The following FBXW5 variants were observed in gnomAD, a reference collection of about 807,000 sequenced individuals.
FBXW5 encodes F-box and WD repeat domain containing 5.
A neutral mutation model predicts 50.9 loss-of-function variants in FBXW5; 74 were observed. That is an observed-to-expected ratio of 1.45 (90% confidence interval 1.20 to 1.76). FBXW5 has a LOEUF of 1.76. FBXW5 is among the 40% of genes most tolerant of loss of function. The pLI is 0.00. For missense variants in FBXW5, 1,073 were observed against 818.8 expected (o/e 1.31, Z -3.79); for synonymous variants, 523 against 362.2 (o/e 1.44, Z -5.04).
In FBXW5 at chr9:136,941,680, G is replaced by C. The variant is rs1052568634; in HGVS notation, c.1101C>G (p.Ile367Met). 5.8e-6 allele frequency: 9 copies of C among 1,557,078 alleles called. No individual in the cohort carries two copies. The highest frequency in any genetic ancestry group is 6.9e-6 in the Non-Finnish European group (8 of 1,151,732). ...TCATCTGGTGTGGCAGGATCTGCTT[G>C]ATGCCTGCAGGGAGGGCTACGGTGA... The part of the protein sequence containing the change: ...CLTYSPHQIG[I>M]KQILPHQMTT... Residue 367 changes from isoleucine (I) to methionine (M), a missense_variant, in exon 7 of 9, where the codon ATC (isoleucine) becomes ATG (methionine). Physicochemically the swap from Ile to Met is conservative, Grantham distance 10. Transcript: ENST00000325285.
Position 136,943,954 on chromosome 9 carries a change from A to G in FBXW5, c.130T>C (p.Phe44Leu). ...RQWQAVSRDE[F>L]LWREQFYRYY... ...CGGTAGAACTGCTCCCTCCACAGGA[A>G]CTCGTCCCGCGACACGGCCTGCCAT... The change falls in exon 2 of 9, where the codon TTC (phenylalanine) becomes CTC (leucine). Residue 44 changes from phenylalanine to leucine, a missense_variant. Coordinates refer to ENST00000325285, the MANE Select transcript of FBXW5 (RefSeq NM_018998.4). 1 of 1,559,784 alleles carries G rather than the reference A, an allele frequency of 6.4e-7. No homozygotes were observed. The highest frequency in any genetic ancestry group is 8.7e-7 in the Non-Finnish European group (1 of 1,153,002).
In FBXW5 at chr9:136,942,147, G is replaced by A. The variant is rs770548992; in HGVS notation, c.995C>T (p.Ala332Val). The change falls in exon 6 of 9, where the codon GCC (alanine) becomes GTC (valine). Residue 332 changes from alanine (A) to valine (V), a missense_variant. By Grantham distance (64) the Ala-to-Val change is moderately conservative. Coordinates refer to ENST00000325285, the MANE Select transcript of FBXW5 (RefSeq NM_018998.4). ...MLETKVAELL[A>V]QGHTKPPERS... is the part of the protein sequence containing the mutation. ...CTCGGGTGGCTTGGTGTGGCCCTGG[G>A]CCAGCAGCTCGGCCACCTTGGTCTC... 4.2e-5 allele frequency: 67 copies of A among 1,609,006 alleles called. No homozygotes were observed. The highest frequency in any genetic ancestry group is 6.7e-5 in the East Asian group (3 of 44,680).
rs201359408 is a variant in FBXW5, at chr9:136,942,529, C to G, written c.675+18G>C. The G allele has an allele frequency of 6.2e-7, 1 of 1,605,816 alleles. No homozygotes were observed. Among genetic ancestry groups the G allele is most frequent in the East Asian group, 2.2e-5 (1 of 44,618 alleles). On this transcript the variant is annotated intron_variant, in intron 5 of 8. Coordinates refer to ENST00000325285, the MANE Select transcript of FBXW5 (RefSeq NM_018998.4). ...CCAGGCCCCAGGAGGGCAGCCCCGC[C>G]CCTAGCCCCGCACGCACCTGGAAGG...
At chr9:136,942,011 G>C (rs1251545704) in intron 6 of FBXW5, 35 bp downstream of exon 6, 5 of 1,570,944 alleles carry the variant, frequency 3.2e-6, no homozygotes, top group Admixed American at 1.7e-5. Flanking sequence ...CAAGCTCCTA[G>C]GACCGAGGCG....
In FBXW5 at chr9:136,941,892, C is replaced by A. The variant is rs1448163380; in HGVS notation, c.1096+154G>T. The A allele has an allele frequency of 3.5e-6, 5 of 1,436,410 alleles. No individual in the cohort carries two copies. In the East Asian group the frequency reaches 1.3e-4, roughly 36 times the overall value. The allele number at this position is 1,436,410 out of a possible 1,614,324, so 89.0% of individuals were successfully genotyped here. A position where few individuals can be genotyped will look rare whatever the true frequency, so the allele number is the denominator to read the frequency against. Reference sequence around the variant, plus strand: ...CCTGCGTTTGTTTTCACTGCTCATCCCACAGGCCCCAGGTCTGGGCTTGTG... The same window carrying A: ...CCTGCGTTTGTTTTCACTGCTCATCACACAGGCCCCAGGTCTGGGCTTGTG... On this transcript the variant is annotated intron_variant, in intron 6 of 8. Transcript: ENST00000325285.
chr9:136,944,264 A>C (rs1031758994), intron 1 of FBXW5, 158 bp from the exon 2 acceptor site: 5 of 850,800 alleles, frequency 5.9e-6, no homozygotes, highest in Non-Finnish European at 8.3e-6. Context: ...AGGACCCGGC[A>C]GCTCCGGGCG....
rs141569540 is a variant in FBXW5 at position 136,942,413 on chromosome 9, G to A, written c.729C>T (p.Asn243=). The change falls in exon 6 of 9, where the codon AAC becomes AAT. Residue 243 remains asparagine (N), a synonymous_variant. Coordinates refer to ENST00000325285, the MANE Select transcript of FBXW5 (RefSeq NM_018998.4). The part of the protein sequence containing the change: ...NVVKRLFKIQ[N]LNASTVRTVM... Reference sequence around the variant, plus strand: ...CCGTGCGGACGGTGCTGGCATTGAGGTTCTGGATCTTGAACAGCCGCTTCA... The same window carrying A: ...CCGTGCGGACGGTGCTGGCATTGAGATTCTGGATCTTGAACAGCCGCTTCA... 5 of 1,606,260 alleles carry A rather than the reference G, an allele frequency of 3.1e-6. No homozygotes were observed. Among genetic ancestry groups the A allele is most frequent in the Non-Finnish European group, 3.4e-6 (4 of 1,174,950 alleles).
At position 136,940,862 on chromosome 9, in the gene FBXW5, GA is replaced by G. The variant is rs926996702; in HGVS notation, c.*65del. ...AAGCATCTCCACCTCTCCCGCTCGG[GA>G]AAAAGCCACAGAGCCTGGCGATGTC... On this transcript the variant is annotated 3_prime_UTR_variant, in exon 9 of 9. Transcript: ENST00000325285. The G allele has an allele frequency of 3.9e-6, 6 of 1,525,684 alleles. No homozygotes were observed. Among genetic ancestry groups the G allele is most frequent in the East Asian group, 2.4e-5 (1 of 41,482 alleles). 94.5% of individuals were successfully genotyped at this position (1,525,684 alleles called of 1,614,324 possible).
chr9:136,943,314 TG>T (rs1431356043), intron 3 of FBXW5, 34 bp downstream of exon 3: 2 of 1,413,906 alleles, frequency 1.4e-6, no homozygotes, highest in African/African-American at 2.9e-5. Flanking sequence ...GCGGCAGAGC[TG>T]GGTGGGGTGT....
At chr9:136,944,260 CG>C in intron 1 of FBXW5, 154 bp from the exon 2 acceptor site, 1 of 870,616 alleles carries the variant, frequency 1.1e-6, no homozygotes, top group Non-Finnish European at 1.6e-6. Flanking sequence ...ACCAAGGACC[CG>C]GCAGCTCCGG....
chr9:136,943,607 C>T, intron 2 of FBXW5, 101 bp from the exon 3 acceptor site: 1 of 1,449,486 alleles, frequency 6.9e-7, no homozygotes, highest in East Asian at 2.5e-5. Context: ...CCGTGGTGCC[C>T]CTGGAACCCA....
Position 136,942,094 on chromosome 9 carries a change from ACTTGCT to A in FBXW5, c.1042_1047del (p.Ser348_Lys349del). The A allele has an allele frequency of 6.2e-7, 1 of 1,612,902 alleles. No individual in the cohort carries two copies. The highest frequency in any genetic ancestry group is 8.5e-7 in the Non-Finnish European group (1 of 1,179,326). ...AGGCAGCCAGTGGTGAAGATGAGGT[ACTTGCT>A]CTTGGCGCCTGTGGCACTGCGCTCG... On this transcript the variant is annotated inframe_deletion, in exon 6 of 9. Transcript: ENST00000325285.
At position 136,942,535 on chromosome 9, in the gene FBXW5, C is replaced by T; in HGVS notation, c.675+12G>A. On this transcript the variant is annotated intron_variant, in intron 5 of 8. Coordinates refer to ENST00000325285, the MANE Select transcript of FBXW5 (RefSeq NM_018998.4). ...CCCAGGAGGGCAGCCCCGCCCCTAGCCCCGCACGCACCTGGAAGGCATTGT... is the reference window on the plus strand; with the variant it reads ...CCCAGGAGGGCAGCCCCGCCCCTAGTCCCGCACGCACCTGGAAGGCATTGT... 2 of 1,608,742 alleles carry T rather than the reference C, an allele frequency of 1.2e-6. No homozygotes were observed. The highest frequency in any genetic ancestry group is 1.3e-5 in the African/African-American group (1 of 74,922).
rs1588457246 is a variant in FBXW5, at chr9:136,941,261, A to G, written c.1447T>C (p.Phe483Leu). Residue 483 changes from phenylalanine (F) to leucine (L), a missense_variant, in exon 8 of 9, where the codon TTC (phenylalanine) becomes CTC (leucine). Physicochemically the swap from Phe to Leu is conservative, Grantham distance 22. Transcript: ENST00000325285. ...FFIFLDVSRD[F>L]VASGAEDRHG... ...CGCCGCGCCCTGCACCTGGCCACGA[A>G]GTCCCTGCTGACGTCCAGGAAGATG... is the stretch of plus-strand genomic sequence containing the variant. The G allele has an allele frequency of 2.5e-6, 4 of 1,605,430 alleles. No homozygotes were observed. The highest frequency in any genetic ancestry group is 1.3e-5 in the African/African-American group (1 of 75,030).
rs1283115568 is a variant in FBXW5 at position 136,944,555 on chromosome 9, C to G, written c.-24+39G>C. The G allele has an allele frequency of 2.8e-5, 28 of 983,408 alleles. No individual in the cohort carries two copies. The Middle Eastern group carries it at 2.1e-3, about 73-fold the overall frequency. The allele number at this position is 983,408 out of a possible 1,614,324, so 60.9% of individuals were successfully genotyped here. ...TGCACTCGCCCAAGGCGGGCGGGGA[C>G]GACAAGGCGGGACCCCCGAGGGCCG... On this transcript the variant is annotated intron_variant, in intron 1 of 8. Coordinates refer to ENST00000325285, the MANE Select transcript of FBXW5 (RefSeq NM_018998.4).
intron 3 of FBXW5, 171 bp from the exon 4 acceptor site, chr9:136,943,114 G>A: frequency 1.7e-6 from 2 of 1,147,402 alleles, no homozygotes; most frequent in Non-Finnish European, 2.5e-6. Context: ...ATAGAGCGGA[G>A]GAGCCTGCCC....
chr9:136,940,950 C>CA lies in FBXW5; in HGVS notation c.1678dup (p.Trp560LeufsTer21). 6.4e-7 allele frequency: 1 copy of CA among 1,573,728 alleles called. No homozygotes were observed. The highest frequency in any genetic ancestry group is 1.2e-5 in the South Asian group (1 of 86,788). The stretch of plus-strand genomic sequence containing the variant: ...ACCTCAGCGCCTCTGGCTGGCAAGC[C>CA]AGGAGAAGAAGGTGCGAGGCCGTGG... On this transcript the variant is annotated frameshift_variant, in exon 9 of 9. Transcript: ENST00000325285. LOFTEE classifies it high-confidence loss of function.
chr9:136,943,018 G>A (rs568248938), intron 3 of FBXW5, 75 bp from the exon 4 acceptor site: 2 of 1,601,076 alleles, frequency 1.2e-6, no homozygotes, highest in Admixed American at 1.7e-5. Flanking sequence ...ACAGCCATGA[G>A]GCCCCAGCTC....
Position 136,942,918 on chromosome 9 carries a change from G to A in FBXW5, c.377C>T (p.Ser126Leu), listed in dbSNP as rs368227017. The change falls in exon 4 of 9, where the codon TCG becomes TTG. Residue 126 changes from serine (S) to leucine (L), a missense_variant. Transcript: ENST00000325285. ...VKIWSNDLTI[S>L]LLHSADMRPY... ...CCGCATGTCCGCGCTGTGCAGCAGC[G>A]AGATGGTCAGGTCGTTGCTCCAGAT... is the stretch of plus-strand genomic sequence containing the variant. 8.6e-5 allele frequency: 138 copies of A among 1,613,384 alleles called. No individual in the cohort carries two copies. The highest frequency in any genetic ancestry group is 2.5e-4 in the Admixed American group (15 of 60,012).
Sources: allele counts gnomAD v4.1 joint callset, GRCh38; gene constraint gnomAD v4.1.1; transcripts MANE v1.5; gene names NCBI Gene and HGNC (gene_info 2026-07-23, HGNC 2026-07-21).